The following RYR2 variants were observed in gnomAD, a reference collection of about 807,000 sequenced individuals.
RYR2 encodes the protein cardiac muscle ryanodine receptor-calcium release channel.
Under a neutral mutation model 601.1 loss-of-function variants are expected in RYR2, and 227 were observed. The observed-to-expected ratio is 0.38, with a 90% confidence interval of 0.34 to 0.42. The LOEUF (loss-of-function observed/expected upper bound fraction) is 0.42. Ranked by LOEUF, RYR2 falls within the 10% of genes least tolerant of loss-of-function variation. The pLI is 1.00. For synonymous variants in RYR2, 2,223 were observed against 2,175.1 expected, an observed-to-expected ratio of 1.02 and a Z score of -0.61; for missense variants, 4,646 against 6,156.5, an observed-to-expected ratio of 0.75 and a Z score of 8.21.
intron 1 of RYR2, among the ~76,000 whole-genome samples, chr1:237,166,782 G>C (rs1000041735): frequency 1.3e-5 from 2 of 152,138 alleles, no homozygotes; most frequent in Non-Finnish European, 2.9e-5. Flanking sequence ...TAGATCATTC[G>C]TTGCCTTACA....
rs746608763 is a variant in RYR2, at chr1:237,806,138, C to A, written c.14153C>A (p.Ser4718Tyr). The change falls in exon 99 of 105, where the codon TCC becomes TAC. Residue 4718 changes from serine to tyrosine, a missense_variant and splice_region_variant. Physicochemically the swap from Ser to Tyr is moderately radical, Grantham distance 144. Around this residue, in one of 17 missense-constraint regions of RYR2, gnomAD observed 76 missense variants for 97.4 expected, o/e 0.78. Coordinates refer to ENST00000366574, the MANE Select transcript of RYR2 (RefSeq NM_001035.3). ...WKLGVVFTDN[S>Y]FLYLAWYMTM... is the part of the protein sequence containing the mutation. The stretch of plus-strand genomic sequence containing the variant: ...TTTCCCCCCGTTTTGTCTTAATAGT[C>A]CTTCCTCTACCTAGCCTGGTATATG... The A allele has an allele frequency of 6.2e-7, 1 of 1,613,310 alleles. No homozygotes were observed. Among genetic ancestry groups the A allele is most frequent in the Non-Finnish European group, 8.5e-7 (1 of 1,179,496 alleles).
At chr1:237,588,690 G>A (rs183585186) in intron 29 of RYR2, among the ~76,000 whole-genome samples, 39 of 152,152 alleles carry the variant, frequency 2.6e-4, no homozygotes, top group African/African-American at 8.2e-4. Context: ...AAAATTAGCC[G>A]GACGCAGTGG....
chr1:237,140,681 A>G (rs1023900338), intron 1 of RYR2, among the ~76,000 whole-genome samples: 1 of 152,214 alleles, frequency 6.6e-6, no homozygotes, highest in African/African-American at 2.4e-5. Flanking sequence ...AGATAATTTT[A>G]GGAATTTGGA....
chr1:237,525,512 A>G (rs554048133), intron 24 of RYR2, among the ~76,000 whole-genome samples: 3 of 151,848 alleles, frequency 2.0e-5, no homozygotes, highest in Non-Finnish European at 4.4e-5. Flanking sequence ...GTGCAGTGGC[A>G]TGATCTCGGC....
intron 89 of RYR2, among the ~76,000 whole-genome samples, chr1:237,783,000 C>T (rs139742783): frequency 3.3e-5 from 5 of 152,266 alleles, no homozygotes; most frequent in South Asian, 2.1e-4. Context: ...ATATATAGCA[C>T]GTTCTGTTCA....
intron 17 of RYR2, among the ~76,000 whole-genome samples, chr1:237,482,490 A>G (rs1662224296): frequency 6.6e-6 from 1 of 150,868 alleles, no homozygotes; most frequent in African/African-American, 2.5e-5. Flanking sequence ...TTTCACTTAC[A>G]TACTCATCTC....
intron 3 of RYR2, among the ~76,000 whole-genome samples, chr1:237,354,098 G>A (rs1699090603): frequency 1.3e-5 from 2 of 152,166 alleles, no homozygotes; most frequent in African/African-American, 4.8e-5. Flanking sequence ...TGGACCATTT[G>A]TCTTGTCTTG....
intron 1 of RYR2, among the ~76,000 whole-genome samples, chr1:237,056,396 C>A (rs1034999079): frequency 1.4e-5 from 2 of 144,772 alleles, no homozygotes; most frequent in Admixed American, 1.4e-4. Context: ...TGGAGCACTG[C>A]ACCTGTGAGG....
chr1:237,435,094 ATT>A (rs1707209352), intron 12 of RYR2, among the ~76,000 whole-genome samples: 1 of 152,102 alleles, frequency 6.6e-6, no homozygotes, highest in African/African-American at 2.4e-5. Flanking sequence ...TTTTAAAGAC[ATT>A]TTTACTATAT....
Position 237,795,625 on chromosome 1 carries a change from A to ATTTTTT in RYR2, c.13956+299_13956+300insTTTTTT, listed in dbSNP as rs3039719. On this transcript the variant is annotated intron_variant, in intron 96 of 104. Transcript: ENST00000366574. ...GCCACCACACCCGGCTAATTTTTGT[A>ATTTTTT]TTTTTAGTCGAGATGGGGTTTCGCC... is the stretch of plus-strand genomic sequence containing the variant. 4.0e-5 allele frequency among the ~76,000 whole-genome samples: 6 copies of ATTTTTT among 149,956 alleles called. No individual in the cohort carries two copies. The East Asian group carries it at 9.9e-4, about 25-fold the overall frequency.
intron 1 of RYR2, among the ~76,000 whole-genome samples, chr1:237,045,416 A>G (rs1016127279): frequency 1.3e-5 from 2 of 152,006 alleles, no homozygotes; most frequent in African/African-American, 4.8e-5. Context: ...TCTCTGTTCC[A>G]TTTGCTGCTG....
intron 2 of RYR2, among the ~76,000 whole-genome samples, chr1:237,289,647 GAC>G (rs1230893030): frequency 2.2e-5 from 3 of 138,486 alleles, no homozygotes; most frequent in Non-Finnish European, 5.0e-5. Flanking sequence ...TCCCTCCCAT[GAC>G]ATGTGGGAAT....
intron 40 of RYR2, among the ~76,000 whole-genome samples, chr1:237,626,943 A>G (rs934857755): frequency 6.6e-5 from 10 of 152,010 alleles, no homozygotes; most frequent in Non-Finnish European, 1.2e-4. Context: ...TTAAAATGAC[A>G]GTGTGGTTTT....
intron 1 of RYR2, among the ~76,000 whole-genome samples, chr1:237,246,561 C>A (rs979549918): frequency 1.3e-5 from 2 of 152,086 alleles, no homozygotes; most frequent in African/African-American, 4.8e-5. Flanking sequence ...TTCAGCCTCC[C>A]GAGTAGCTAG....
chr1:237,556,023 G>A (rs1372559163), intron 27 of RYR2, among the ~76,000 whole-genome samples: 1 of 152,104 alleles, frequency 6.6e-6, no homozygotes, highest in Non-Finnish European at 1.5e-5. Flanking sequence ...CTTTACTCCA[G>A]AATGGTGCCA....
chr1:237,045,869 G>GTT (rs768636054), intron 1 of RYR2, among the ~76,000 whole-genome samples: 590 of 56,926 alleles, frequency 0.01, 48 homozygotes, highest in East Asian at 0.044. Context: ...CTTGGTCAAG[G>GTT]TTTTTTTTTT....
intron 77 of RYR2, 110 bp downstream of exon 77, chr1:237,730,466 A>T: frequency 3.5e-6 from 2 of 574,618 alleles, no homozygotes; most frequent in Admixed American, 3.0e-5. Context: ...ATTACAGTAT[A>T]TGGGTATTAG....
chr1:237,770,145 G>C (rs995317710), intron 84 of RYR2, among the ~76,000 whole-genome samples: 1 of 152,030 alleles, frequency 6.6e-6, no homozygotes, highest in Non-Finnish European at 1.5e-5. Context: ...CTGTCTTTTG[G>C]TTTCATATTT....
chr1:237,199,182 A>G (rs1161174072), intron 1 of RYR2, among the ~76,000 whole-genome samples: 2 of 152,176 alleles, frequency 1.3e-5, no homozygotes, highest in Non-Finnish European at 2.9e-5. Context: ...CTCTGTAGGG[A>G]CAGAACTAAC....
Sources: allele counts gnomAD v4.1 joint callset (sites outside exome capture counted in the v4.1 genomes callset), GRCh38; gene constraint gnomAD v4.1.1; regional missense constraint gnomAD v4.1.1; transcripts MANE v1.5; gene names NCBI Gene and HGNC (gene_info 2026-07-23, HGNC 2026-07-21).